The following RANBP17 variants were observed in gnomAD, a reference collection of about 807,000 sequenced individuals.
RANBP17 encodes ran-binding protein 17.
A neutral mutation model predicts 141.2 loss-of-function variants in RANBP17; 158 were observed. That is an observed-to-expected ratio of 1.12 (90% CI 0.98 to 1.28). The LOEUF is 1.28. Ranked by LOEUF, RANBP17 falls within the 50% of genes most tolerant of loss-of-function variation. The probability of loss-of-function intolerance (pLI) is 0.00; values close to 1 mark genes in which losing one functional copy is unlikely to be tolerated. For missense variants in RANBP17, 1,438 were observed against 1,290.7 expected, an observed-to-expected ratio of 1.11 and a Z score of -1.75; for synonymous variants, 430 against 450.0, an observed-to-expected ratio of 0.96 and a Z score of 0.56.
chr5:170,989,237 A>G (rs1030667162), intron 14 of RANBP17, among the ~76,000 whole-genome samples: 2 of 151,774 alleles, frequency 1.3e-5, no homozygotes, highest in Admixed American at 1.3e-4. Flanking sequence ...GATATAATCT[A>G]TCCTACTTGT....
In RANBP17 at chr5:171,287,490, C is replaced by CAA. The variant is rs1188089542; in HGVS notation, c.2944-6378_2944-6377dup. 4.3e-3 allele frequency among the ~76,000 whole-genome samples: 505 copies of CAA among 117,474 alleles called. 2 individuals are homozygous for CAA. The highest frequency in any genetic ancestry group is 0.015 in the African/African-American group (464 of 31,020). The allele number at this position is 117,474 out of a possible 152,430, so 77.1% of individuals were successfully genotyped here. A position where few individuals can be genotyped will look rare whatever the true frequency, so the allele number is the denominator to read the frequency against. On this transcript the variant is annotated intron_variant, in intron 25 of 27. Transcript: ENST00000523189. ...GGGCGACAGGAGCGAAACTCCATCT[C>CAA]AAAAAAAAAAAAAAAATGATTAACA... is the stretch of plus-strand genomic sequence containing the variant.
intron 1 of RANBP17, among the ~76,000 whole-genome samples, chr5:170,876,398 C>A (rs1768181659): frequency 6.6e-6 from 1 of 152,100 alleles, no homozygotes; most frequent in African/African-American, 2.4e-5. Flanking sequence ...TTTTGTATTT[C>A]TTACCTGGAT....
intron 18 of RANBP17, among the ~76,000 whole-genome samples, chr5:171,185,571 G>T (rs1416396462): frequency 1.3e-5 from 2 of 152,190 alleles, no homozygotes; most frequent in Non-Finnish European, 2.9e-5. Flanking sequence ...TCCATCTGAA[G>T]ACACCACTTT....
chr5:171,055,312 GA>G (rs954967107), intron 14 of RANBP17, among the ~76,000 whole-genome samples: 3 of 151,952 alleles, frequency 2.0e-5, no homozygotes, highest in African/African-American at 7.3e-5. Flanking sequence ...TGAATTGCAG[GA>G]AAAAAACATC....
chr5:170,980,094 G>A (rs1290887341), intron 14 of RANBP17, among the ~76,000 whole-genome samples: 1 of 152,166 alleles, frequency 6.6e-6, no homozygotes, highest in Non-Finnish European at 1.5e-5. Flanking sequence ...AACAAAACTG[G>A]CGGAATTTTG....
intron 14 of RANBP17, among the ~76,000 whole-genome samples, chr5:171,112,464 A>G (rs1388721402): frequency 6.6e-6 from 1 of 151,970 alleles, no homozygotes; most frequent in Non-Finnish European, 1.5e-5. Context: ...AGATTATACC[A>G]TGGAAACAAA....
At chr5:171,047,710 T>G (rs538127379) in intron 14 of RANBP17, among the ~76,000 whole-genome samples, 16 of 152,312 alleles carry the variant, frequency 1.1e-4, no homozygotes, top group Non-Finnish European at 2.1e-4. Context: ...GTCTTACCCA[T>G]TTTTTAAGTT....
At chr5:170,971,385 C>T (rs747367925) in intron 14 of RANBP17, among the ~76,000 whole-genome samples, 3 of 152,124 alleles carry the variant, frequency 2.0e-5, no homozygotes, top group Non-Finnish European at 4.4e-5. Flanking sequence ...ATGAAAATAG[C>T]GATTTTGTTA....
At chr5:171,167,715 A>G (rs1759800487) in intron 14 of RANBP17, among the ~76,000 whole-genome samples, 1 of 152,070 alleles carries the variant, frequency 6.6e-6, no homozygotes, top group Non-Finnish European at 1.5e-5. Flanking sequence ...GAACTGAGCA[A>G]GTGGGTAAAG....
intron 14 of RANBP17, among the ~76,000 whole-genome samples, chr5:171,008,504 C>T (rs1779811199): frequency 6.6e-6 from 1 of 151,650 alleles, no homozygotes; most frequent in Non-Finnish European, 1.5e-5. Context: ...CAGGCTGAGT[C>T]TGAAAAGAGA....
intron 24 of RANBP17, among the ~76,000 whole-genome samples, chr5:171,262,062 G>T (rs576585471): frequency 2.0e-3 from 299 of 152,254 alleles, no homozygotes; most frequent in African/African-American, 6.6e-3. Flanking sequence ...TGTTTACCTG[G>T]CTTTTTCACA....
chr5:171,127,432 G>A (rs1168905636), intron 14 of RANBP17, among the ~76,000 whole-genome samples: 1 of 152,126 alleles, frequency 6.6e-6, no homozygotes, highest in Non-Finnish European at 1.5e-5. Flanking sequence ...GAGACGACCT[G>A]CAGAATGGGA....
At position 171,242,792 on chromosome 5, in the gene RANBP17, A is replaced by T. The variant is rs749551459; in HGVS notation, c.2748A>T (p.Thr916=). ...CTCCTGTACTCATGTATGTTCTCAC[A>T]TCTATCTCAGAGGGACTCACTACTC... ...LEPPVLMYVL[T]SISEGLTTLD... is the part of the protein sequence containing the mutation. The change falls in exon 24 of 28, where the codon ACA becomes ACT. Residue 916 remains threonine (T), a synonymous_variant. Transcript: ENST00000523189. 1.4e-5 allele frequency: 22 copies of T among 1,613,830 alleles called. No individual in the cohort carries two copies. Among genetic ancestry groups the T allele is most frequent in the Non-Finnish European group, 1.9e-5 (22 of 1,179,784 alleles).
At chr5:171,071,843 AAC>A (rs754862799) in intron 14 of RANBP17, among the ~76,000 whole-genome samples, 2 of 152,006 alleles carry the variant, frequency 1.3e-5, no homozygotes, top group Non-Finnish European at 2.9e-5. Context: ...TGACACCAAA[AAC>A]ACAACTCATT....
intron 13 of RANBP17, among the ~76,000 whole-genome samples, chr5:170,961,179 A>G (rs1776129453): frequency 6.6e-6 from 1 of 152,170 alleles, no homozygotes; most frequent in African/African-American, 2.4e-5. Flanking sequence ...TGCTTCTTTT[A>G]TCTTCCTCTT....
chr5:171,243,072 G>T, intron 24 of RANBP17: 2 of 458,122 alleles, frequency 4.4e-6, no homozygotes, highest in Non-Finnish European at 7.8e-6. Flanking sequence ...TAAGTGGATA[G>T]TTCAGTGAGT....
intron 14 of RANBP17, among the ~76,000 whole-genome samples, chr5:171,101,548 C>T (rs943362113): frequency 1.3e-5 from 2 of 151,952 alleles, no homozygotes; most frequent in African/African-American, 4.8e-5. Flanking sequence ...TTGACTCTAT[C>T]CAGTTTTCCG....
Position 171,271,075 on chromosome 5 carries a change from C to CTTTTTT in RANBP17, c.2943+5266_2943+5271dup, listed in dbSNP as rs531200106. 6.5e-4 allele frequency: 18 copies of CTTTTTT among 27,560 alleles called. 6 individuals are homozygous for CTTTTTT. The highest frequency in any genetic ancestry group is 1.2e-3 in the African/African-American group (7 of 5,932). The allele number at this position is 27,560 out of a possible 1,614,324, so 1.7% of individuals were successfully genotyped here. On this transcript the variant is annotated intron_variant, in intron 25 of 27. Coordinates refer to ENST00000523189, the MANE Select transcript of RANBP17 (RefSeq NM_022897.5). ...TTTCTCCCTCCTTTTTATGTTATTT[C>CTTTTTT]TTTTTTTTTTTTTTTTTTTTTTTTT...
intron 25 of RANBP17, among the ~76,000 whole-genome samples, chr5:171,267,159 G>A (rs919445046): frequency 6.7e-6 from 1 of 149,008 alleles, no homozygotes; most frequent in African/African-American, 2.5e-5. Flanking sequence ...GCCTCTTCCT[G>A]AGTAGCTGGG....
Sources: allele counts gnomAD v4.1 joint callset (sites outside exome capture counted in the v4.1 genomes callset), GRCh38; gene constraint gnomAD v4.1.1; transcripts MANE v1.5; gene names NCBI Gene and HGNC (gene_info 2026-07-23, HGNC 2026-07-21).